Variants in NME9 observed in about 807,000 individuals in gnomAD.
The protein encoded by NME9 is thioredoxin domain-containing protein 6.
A neutral mutation model predicts 44.4 loss-of-function variants in NME9; 48 were observed. The ratio of observed to expected loss-of-function variants is 1.08; its 90% CI spans 0.86 to 1.37. The LOEUF (loss-of-function observed/expected upper bound fraction) is 1.37. Among genes scored for constraint, NME9 ranks in the 40% most tolerant of loss-of-function variants. The pLI, the probability that NME9 is intolerant of heterozygous loss-of-function variation, is 0.00. For missense variants in NME9, 325 were observed against 405.2 expected (o/e 0.80, Z 1.70); for synonymous variants, 139 against 147.1 (o/e 0.94, Z 0.40).
Position 138,301,329 on chromosome 3 carries a change from C to G in NME9, c.*311G>C. On this transcript the variant is annotated 3_prime_UTR_variant, in exon 11 of 11. Transcript: ENST00000333911. Reference sequence around the variant, plus strand: ...AAGCGATTCTCATGCCTAAGCCACCCGAGTAGCTGGATGACAGGTGCACAC... The same window carrying G: ...AAGCGATTCTCATGCCTAAGCCACCGGAGTAGCTGGATGACAGGTGCACAC... The G allele has an allele frequency of 2.8e-6, 1 of 361,904 alleles. No homozygotes were observed. The highest frequency in any genetic ancestry group is 4.3e-6 in the Non-Finnish European group (1 of 233,346). The allele number at this position is 361,904 out of a possible 1,614,324, so 22.4% of individuals were successfully genotyped here. A position where few individuals can be genotyped will look rare whatever the true frequency, so the allele number is the denominator to read the frequency against.
chr3:138,282,802 T>C (rs1257551708), intron 8 of NME9, among the ~76,000 whole-genome samples: 1 of 152,152 alleles, frequency 6.6e-6, no homozygotes, highest in African/African-American at 2.4e-5. Flanking sequence ...CCAAACTAAT[T>C]ACTCCTGTTA....
At chr3:138,308,275 A>G (rs1395449429) in intron 6 of NME9, among the ~76,000 whole-genome samples, 1 of 152,170 alleles carries the variant, frequency 6.6e-6, no homozygotes, top group African/African-American at 2.4e-5. Context: ...TTCTCCACAC[A>G]TGTAAAAACA....
At chr3:138,275,088 A>G (rs2049148758) in intron 8 of NME9, among the ~76,000 whole-genome samples, 2 of 152,160 alleles carry the variant, frequency 1.3e-5, no homozygotes, top group Non-Finnish European at 2.9e-5. Context: ...GACAGTTGGG[A>G]ATTATTTTTC....
chr3:138,295,815 T>C, intron 8 of NME9: 1 of 1,609,064 alleles, frequency 6.2e-7, no homozygotes, highest in Non-Finnish European at 8.5e-7. Flanking sequence ...TTTACCCCAA[T>C]TACAATTCTG....
chr3:138,266,825 G>A lies in NME9; in HGVS notation c.746-4239C>T, dbSNP rs1486144375. 2.0e-5 allele frequency among the ~76,000 whole-genome samples: 3 copies of A among 152,160 alleles called. No homozygotes were observed. In the East Asian group the frequency reaches 5.8e-4, roughly 29 times the overall value. On this transcript the variant is annotated intron_variant, in intron 8 of 8. Transcript: ENST00000317876. ...CATAAGGGGCTTGACTGATGGAGTAGAATGAGCTCACTTACCCCAGAGCAG... is the reference window on the plus strand; with the variant it reads ...CATAAGGGGCTTGACTGATGGAGTAAAATGAGCTCACTTACCCCAGAGCAG...
intron 8 of NME9, chr3:138,263,413 T>G: frequency 3.8e-6 from 1 of 263,606 alleles, no homozygotes; most frequent in Non-Finnish European, 7.4e-6. Context: ...TGAGAGTTCA[T>G]TTATTTCTTT....
Position 138,305,001 on chromosome 3 carries a change from G to A in NME9, c.663C>T (p.His221=). Residue 221 remains histidine, a synonymous_variant, in exon 9 of 11, where the codon CAC becomes CAT. Transcript: ENST00000333911. ...GEEAFEKLVH[H]MCSGPSHLLI... Reference sequence around the variant, plus strand: ...GGAGGTGGCTTGGTCCACTGCACATGTGATGTACCAGCTTCTCAAATGCCT... The same window carrying A: ...GGAGGTGGCTTGGTCCACTGCACATATGATGTACCAGCTTCTCAAATGCCT... 6.2e-7 allele frequency: 1 copy of A among 1,614,110 alleles called. No individual in the cohort carries two copies. Among genetic ancestry groups the A allele is most frequent in the Non-Finnish European group, 8.5e-7 (1 of 1,179,964 alleles).
At chr3:138,270,254 G>A (rs1027943069) in intron 8 of NME9, 2 of 771,910 alleles carry the variant, frequency 2.6e-6, no homozygotes, top group Non-Finnish European at 4.1e-6. Flanking sequence ...TGGCTATTTT[G>A]TTCTAGTTTT....
At chr3:138,278,902 A>T (rs1041315924) in intron 8 of NME9, among the ~76,000 whole-genome samples, 7 of 152,204 alleles carry the variant, frequency 4.6e-5, no homozygotes, top group Non-Finnish European at 8.8e-5. Flanking sequence ...TGTATCCTGC[A>T]TTCTTGCCAA....
intron 8 of NME9, chr3:138,287,688 A>G (rs2050563508): frequency 2.2e-6 from 1 of 456,726 alleles, no homozygotes; most frequent in Non-Finnish European, 4.4e-6. Flanking sequence ...AGAAAGAATC[A>G]CTAGCCATAG....
At chr3:138,306,143 T>C in intron 7 of NME9, 47 bp from the exon 8 acceptor site, 2 of 1,313,104 alleles carry the variant, frequency 1.5e-6, no homozygotes, top group Non-Finnish European at 2.2e-6. Context: ...CAAGCCCAAA[T>C]TCACATTGAT....
chr3:138,289,240 A>G, intron 8 of NME9: 3 of 739,440 alleles, frequency 4.1e-6, no homozygotes, highest in Non-Finnish European at 6.8e-6. Context: ...ATCTGGCCCA[A>G]GCACCCTCTA....
At chr3:138,291,616 A>C (rs186171909) in intron 8 of NME9, among the ~76,000 whole-genome samples, 137 of 152,362 alleles carry the variant, frequency 9.0e-4, no homozygotes, top group African/African-American at 3.2e-3. Flanking sequence ...GAGAGGTACC[A>C]TGAAGAAAAA....
At chr3:138,305,924 A>G in intron 8 of NME9, 80 bp downstream of exon 8, 1 of 958,522 alleles carries the variant, frequency 1.0e-6, no homozygotes, top group Non-Finnish European at 1.7e-6. Context: ...TTCTGTCACA[A>G]ACTGATATCA....
At chr3:138,309,616 C>T (rs116043398) in intron 6 of NME9, among the ~76,000 whole-genome samples, 2,142 of 152,104 alleles carry the variant, frequency 0.014, 24 homozygotes, top group Non-Finnish European at 0.023. Flanking sequence ...GCCCAGGAGG[C>T]GGAGGTTGCA....
chr3:138,280,817 G>A (rs1235523294), intron 8 of NME9, among the ~76,000 whole-genome samples: 1 of 151,504 alleles, frequency 6.6e-6, no homozygotes, highest in Admixed American at 6.6e-5. Flanking sequence ...TAATAGAGAT[G>A]GGGTTTTGCC....
intron 8 of NME9, among the ~76,000 whole-genome samples, chr3:138,266,973 C>T (rs971898204): frequency 6.6e-6 from 1 of 152,132 alleles, no homozygotes; most frequent in African/African-American, 2.4e-5. Flanking sequence ...GGCGTTAGTC[C>T]GTCATAATTA....
At chr3:138,271,784 T>C (rs1229010951) in intron 8 of NME9, among the ~76,000 whole-genome samples, 6 of 148,634 alleles carry the variant, frequency 4.0e-5, no homozygotes, top group African/African-American at 1.3e-4. Context: ...GTTCACAAGA[T>C]TTTTTTTTTC....
rs181110672 is a variant in NME9 at position 138,290,060 on chromosome 3, T to C, written c.745+13447A>G. ...AGTCTAGTTGGAAGATAGAACAGAA[T>C]GATATGAAATTGGAAGTGCCAGCTG... On this transcript the variant is annotated intron_variant, in intron 8 of 8. Coordinates refer to the NME9 transcript ENST00000317876. 1.4e-4 allele frequency among the ~76,000 whole-genome samples: 22 copies of C among 152,134 alleles called. No homozygotes were observed. The East Asian group carries it at 3.7e-3, about 25-fold the overall frequency.
Sources: gnomAD v4.1 joint callset for allele counts (sites outside exome capture counted in the v4.1 genomes callset) on GRCh38, gnomAD v4.1.1 for gene constraint, MANE v1.5 for transcripts, NCBI Gene and HGNC (gene_info 2026-07-23, HGNC 2026-07-21) for gene names.